EGFLAM: variants seen among roughly 807,000 people sequenced by gnomAD.
EGFLAM encodes pikachurin.
In EGFLAM, 79 loss-of-function variants were observed where a neutral mutation model predicts 113.1. The ratio of observed to expected loss-of-function variants is 0.70; its 90% confidence interval spans 0.58 to 0.84. The LOEUF is 0.84. Among genes scored for constraint, EGFLAM ranks in the 40% least tolerant of loss-of-function variants. EGFLAM has a pLI of 0.00. For synonymous variants in EGFLAM, 504 were observed against 487.6 expected (o/e 1.03, Z -0.44); for missense variants, 1,265 against 1,291.6 (o/e 0.98, Z 0.32).
intron 6 of EGFLAM, among the ~76,000 whole-genome samples, chr5:38,372,638 A>G (rs1740254913): frequency 1.3e-5 from 2 of 152,226 alleles, no homozygotes; most frequent in Admixed American, 1.3e-4. Flanking sequence ...TTAAAATTTC[A>G]AAGTAATTGT....
intron 15 of EGFLAM, among the ~76,000 whole-genome samples, chr5:38,434,628 T>A (rs1742287998): frequency 6.6e-6 from 1 of 152,192 alleles, no homozygotes. Context: ...CCACCAATGG[T>A]TAGCTGCAGC....
intron 6 of EGFLAM, among the ~76,000 whole-genome samples, chr5:38,390,541 A>T (rs1433176672): frequency 6.6e-6 from 1 of 152,212 alleles, no homozygotes; most frequent in Non-Finnish European, 1.5e-5. Flanking sequence ...ATTGTAGTGC[A>T]TGCATATCTT....
intron 15 of EGFLAM, among the ~76,000 whole-genome samples, chr5:38,431,516 T>G (rs1257990163): frequency 6.6e-5 from 10 of 152,102 alleles, no homozygotes; most frequent in Admixed American, 5.9e-4. Context: ...ATTAAATGAG[T>G]TGATACCCAA....
intron 1 of EGFLAM, among the ~76,000 whole-genome samples, chr5:38,302,754 C>T (rs1350265349): frequency 6.6e-6 from 1 of 151,596 alleles, no homozygotes; most frequent in Non-Finnish European, 1.5e-5. Flanking sequence ...CCTTTTCTCC[C>T]TTGTTTAAGT....
chr5:38,438,272 AAG>A lies in EGFLAM; in HGVS notation c.2284-1_2284del, dbSNP rs761361736. On this transcript the variant is annotated splice_acceptor_variant, in intron 16 of 21. Coordinates refer to ENST00000322350, the MANE Select transcript of EGFLAM (RefSeq NM_152403.4). LOFTEE classifies it high-confidence loss of function. ...GAATTTCTTTATGTTTTTCTCTCTCAAGATCATCCTGAATGACCGAACCATCC... is the reference window on the plus strand; with the variant it reads ...GAATTTCTTTATGTTTTTCTCTCTCAATCATCCTGAATGACCGAACCATCC... 2.5e-6 allele frequency: 4 copies of A among 1,610,376 alleles called. No individual in the cohort carries two copies. In the East Asian group the frequency reaches 8.9e-5, roughly 36 times the overall value.
chr5:38,276,816 G>GA (rs901016216), intron 1 of EGFLAM, among the ~76,000 whole-genome samples: 17 of 152,124 alleles, frequency 1.1e-4, no homozygotes, highest in Non-Finnish European at 2.5e-4. Flanking sequence ...GGACAATCTA[G>GA]AAAAAATGGA....
At chr5:38,437,851 C>T (rs762285504) in intron 16 of EGFLAM, among the ~76,000 whole-genome samples, 95 of 152,078 alleles carry the variant, frequency 6.2e-4, no homozygotes, top group Non-Finnish European at 1.0e-3. Flanking sequence ...AGGCCTGGCG[C>T]GGTGGCTCAC....
At chr5:38,417,676 C>A (rs896129854) in intron 11 of EGFLAM, among the ~76,000 whole-genome samples, 1 of 151,718 alleles carries the variant, frequency 6.6e-6, no homozygotes, top group Non-Finnish European at 1.5e-5. Flanking sequence ...AGTATTATCA[C>A]CTTTGGAGGC....
chr5:38,391,763 A>T (rs942891909), intron 6 of EGFLAM, among the ~76,000 whole-genome samples: 3 of 151,640 alleles, frequency 2.0e-5, no homozygotes, highest in African/African-American at 7.3e-5. Flanking sequence ...TTCAGTCCTC[A>T]TTGTCCTTCA....
intron 1 of EGFLAM, among the ~76,000 whole-genome samples, chr5:38,260,581 G>A (rs573227334): frequency 8.5e-5 from 13 of 152,142 alleles, no homozygotes; most frequent in Non-Finnish European, 1.8e-4. Context: ...CATAGATAGG[G>A]TTTTGATAGT....
rs370857999 is a variant in EGFLAM, at chr5:38,427,123, G to A, written c.1925G>A (p.Arg642Gln). Reference sequence around the variant, plus strand: ...TTCATGGAATTTGAGATCACATTTCGGCCAGACTCAGGAGATGGTGTCCTC... The same window carrying A: ...TTCATGGAATTTGAGATCACATTTCAGCCAGACTCAGGAGATGGTGTCCTC... ...LSFMEFEITF[R>Q]PDSGDGVLLY... Residue 642 changes from arginine to glutamine, a missense_variant, in exon 14 of 22, where the codon CGG becomes CAG. Coordinates refer to ENST00000322350, the MANE Select transcript of EGFLAM (RefSeq NM_152403.4). 31 of 1,613,850 alleles carry A rather than the reference G, an allele frequency of 1.9e-5. No homozygotes were observed. The African/African-American group carries it at 2.5e-4, about 13-fold the overall frequency.
intron 9 of EGFLAM, 90 bp from the exon 10 acceptor site, chr5:38,408,914 C>G: frequency 8.8e-7 from 1 of 1,137,452 alleles, no homozygotes; most frequent in Non-Finnish European, 1.3e-6. Flanking sequence ...GGAGAAAATG[C>G]TCAAGTTTCA....
chr5:38,459,712 T>G (rs1328033694), intron 20 of EGFLAM, among the ~76,000 whole-genome samples: 4 of 152,072 alleles, frequency 2.6e-5, no homozygotes, highest in African/African-American at 9.7e-5. Context: ...AGCTCCCATA[T>G]AGGCTGCAAT....
intron 12 of EGFLAM, among the ~76,000 whole-genome samples, chr5:38,422,584 AC>A (rs1741866800): frequency 6.6e-6 from 1 of 152,236 alleles, no homozygotes; most frequent in Non-Finnish European, 1.5e-5. Context: ...CAGCTCTATC[AC>A]ATATTTTTAA....
chr5:38,445,120 A>T (rs1376306481), intron 17 of EGFLAM, among the ~76,000 whole-genome samples: 1 of 152,038 alleles, frequency 6.6e-6, no homozygotes, highest in Non-Finnish European at 1.5e-5. Flanking sequence ...TTATTTCTCG[A>T]GGGTGCCTCT....
chr5:38,273,751 G>A (rs1422832805), intron 1 of EGFLAM, among the ~76,000 whole-genome samples: 3 of 152,224 alleles, frequency 2.0e-5, no homozygotes, highest in African/African-American at 7.2e-5. Context: ...GAGCTAGACT[G>A]TGAACACTGG....
At chr5:38,290,212 C>T (rs2042925) in intron 1 of EGFLAM, among the ~76,000 whole-genome samples, 24,413 of 152,116 alleles carry the variant, frequency 0.16, 2,152 homozygotes, top group Middle Eastern at 0.27. Flanking sequence ...GCTGCAGACC[C>T]TCTGAGAGCC....
At chr5:38,281,246 T>C (rs1038515386) in intron 1 of EGFLAM, among the ~76,000 whole-genome samples, 15 of 152,178 alleles carry the variant, frequency 9.9e-5, no homozygotes, top group African/African-American at 3.6e-4. Flanking sequence ...ACACATATTA[T>C]GCTAAGTTTT....
chr5:38,433,735 A>G (rs999336410), intron 15 of EGFLAM, among the ~76,000 whole-genome samples: 3 of 152,202 alleles, frequency 2.0e-5, no homozygotes, highest in Non-Finnish European at 1.5e-5. Flanking sequence ...AAGAGCAATG[A>G]CAAGAGAAAG....
Sources: gnomAD v4.1 joint callset for allele counts (sites outside exome capture counted in the v4.1 genomes callset) on GRCh38, gnomAD v4.1.1 for gene constraint, MANE v1.5 for transcripts, NCBI Gene and HGNC (gene_info 2026-07-23, HGNC 2026-07-21) for gene names.